CD79A: variants seen among roughly 807,000 people sequenced by gnomAD.
CD79A encodes B-cell antigen receptor complex-associated protein alpha chain.
Under a neutral mutation model 27.4 loss-of-function variants are expected in CD79A, and 16 were observed. The observed-to-expected ratio is 0.58, with a 90% CI of 0.40 to 0.89. CD79A has a LOEUF of 0.89. Among genes scored for constraint, CD79A ranks in the 40% least tolerant of loss-of-function variants. The probability of loss-of-function intolerance (pLI) is 0.00; values close to 1 mark genes in which losing one functional copy is unlikely to be tolerated. For missense variants in CD79A, 237 were observed against 299.7 expected (o/e 0.79, Z 1.55); for synonymous variants, 110 against 132.7 (o/e 0.83, Z 1.18).
chr19:41,880,643 A>AGGCGGGGGGGGG, intron 3 of CD79A, 27 bp from the exon 4 acceptor site: 8 of 1,171,724 alleles, frequency 6.8e-6, no homozygotes, highest in African/African-American at 1.5e-5. Flanking sequence ...CTGCTCACTG[A>AGGCGGGGGGGGG]GGCACCCACC....
At chr19:41,880,820 C>A (rs781954955) in intron 4 of CD79A, 47 bp from the exon 5 acceptor site, 2 of 1,523,584 alleles carry the variant, frequency 1.3e-6, no homozygotes, top group Non-Finnish European at 1.8e-6. Context: ...GGGGCAGGGA[C>A]CCCAGGTGTC....
rs781875393 is a variant in CD79A, at chr19:41,879,180, G to T, written c.270G>T (p.Thr90=). ...FLGPGEDPNG[T]LIIQNVNKSH... ...GCCCGGGCGAGGACCCCAATGGTAC[G>T]CTGATCATCCAGAATGTGAACAAGA... The change falls in exon 2 of 5, where the codon ACG becomes ACT. Residue 90 remains threonine (T), a synonymous_variant. Coordinates refer to ENST00000221972, the MANE Select transcript of CD79A (RefSeq NM_001783.4). The surrounding 1 kb of genome is among the most constrained non-coding windows in gnomAD (Gnocchi z 5.1). 1.2e-6 allele frequency: 2 copies of T among 1,614,008 alleles called. No individual in the cohort carries two copies. The highest frequency in any genetic ancestry group is 2.2e-5 in the East Asian group (1 of 44,872).
rs781985135 is a variant in CD79A at position 41,879,456 on chromosome 19, CT to C, written c.380-77del. On this transcript the variant is annotated intron_variant, in intron 2 of 4. Coordinates refer to ENST00000221972, the MANE Select transcript of CD79A (RefSeq NM_001783.4). This position sits in a 1 kb window ranked among gnomAD's most constrained non-coding sequence, Gnocchi z 5.1. ...GTGGGGTCTCTGGGGGGTCTGGGGC[CT>C]TGCAGGAGGTGGGCGGGGCCAGGAG... 1 of 1,262,440 alleles carries C rather than the reference CT, an allele frequency of 7.9e-7. No individual in the cohort carries two copies. Among genetic ancestry groups the C allele is most frequent in the Non-Finnish European group, 1.1e-6 (1 of 890,214 alleles). 78.2% of individuals were successfully genotyped at this position (1,262,440 alleles called of 1,614,324 possible). A position where few individuals can be genotyped will look rare whatever the true frequency, so the allele number is the denominator to read the frequency against.
chr19:41,879,298 C>G lies in CD79A; in HGVS notation c.379+9C>G. The G allele has an allele frequency of 6.2e-7, 1 of 1,610,230 alleles. No homozygotes were observed. Among genetic ancestry groups the G allele is most frequent in the Non-Finnish European group, 8.5e-7 (1 of 1,179,176 alleles). On this transcript the variant is annotated intron_variant, in intron 2 of 4. Transcript: ENST00000221972. This position sits in a 1 kb window ranked among gnomAD's most constrained non-coding sequence, Gnocchi z 5.1. ...CTACCTCCGCGTGCGCCGTGAGTGG[C>G]CCAGCCCTGGCCCCTACTCCCACTG...
intron 3 of CD79A, among the ~76,000 whole-genome samples, chr19:41,880,073 ATTG>A (rs2074212552): frequency 1.3e-5 from 2 of 152,094 alleles, no homozygotes; most frequent in African/African-American, 2.4e-5. Flanking sequence ...TGTGACTGTT[ATTG>A]TTATTATTCA....
rs781946213 is a variant in CD79A, at chr19:41,880,505, G to GAAGGAAGA, written c.499-164_499-163insAGGAAGAA. ...GGAAGGAAGGAAGGAAGGAAGGAAG[G>GAAGGAAGA]AGAACACTGGTTGTAGACTCAGAGA... is the stretch of plus-strand genomic sequence containing the variant. On this transcript the variant is annotated intron_variant, in intron 3 of 4. Coordinates refer to ENST00000221972, the MANE Select transcript of CD79A (RefSeq NM_001783.4). Among the ~76,000 whole-genome samples, 1,214 of 146,268 alleles carry GAAGGAAGA rather than the reference G, an allele frequency of 8.3e-3. 5 individuals carry two copies. Among genetic ancestry groups the GAAGGAAGA allele is most frequent in the Middle Eastern group, 0.03 (8 of 270 alleles).
intron 3 of CD79A, among the ~76,000 whole-genome samples, chr19:41,880,375 A>AAGAGAGAGAGAGAGAAAGAGAGAG (rs1168517411): frequency 7.0e-6 from 1 of 141,884 alleles, no homozygotes; most frequent in Non-Finnish European, 1.5e-5. Context: ...AGGGAGAAGA[A>AAGAGAGAGAGAGAGAAAGAGAGAG]AGAGAGAGAG....
Position 41,879,730 on chromosome 19 carries a change from A to G in CD79A, c.498+77A>G. The G allele has an allele frequency of 1.1e-6, 1 of 949,184 alleles. No individual in the cohort carries two copies. The highest frequency in any genetic ancestry group is 1.7e-6 in the Non-Finnish European group (1 of 595,112). The allele number at this position is 949,184 out of a possible 1,614,324, so 58.8% of individuals were successfully genotyped here. ...ACCCCCAATACCCAGGTAGCCCTCTAGAGCCTGAGGTTCCCCATCCAAAAC... is the reference window on the plus strand; with the variant it reads ...ACCCCCAATACCCAGGTAGCCCTCTGGAGCCTGAGGTTCCCCATCCAAAAC... On this transcript the variant is annotated intron_variant, in intron 3 of 4. Transcript: ENST00000221972. The surrounding 1 kb of genome is among the most constrained non-coding windows in gnomAD (Gnocchi z 5.1).
Position 41,879,780 on chromosome 19 carries a change from T to G in CD79A, c.498+127T>G. On this transcript the variant is annotated intron_variant, in intron 3 of 4. Coordinates refer to ENST00000221972, the MANE Select transcript of CD79A (RefSeq NM_001783.4). This position sits in a 1 kb window ranked among gnomAD's most constrained non-coding sequence, Gnocchi z 5.1. Reference sequence around the variant, plus strand: ...CTTGGGAGAATGAAAGCACCCACCATATAGGGGCTGTGGGAGTTAAATGAA... The same window carrying G: ...CTTGGGAGAATGAAAGCACCCACCAGATAGGGGCTGTGGGAGTTAAATGAA... 1 of 652,342 alleles carries G rather than the reference T, an allele frequency of 1.5e-6. No homozygotes were observed. The highest frequency in any genetic ancestry group is 1.7e-5 in the South Asian group (1 of 59,698). The allele number at this position is 652,342 out of a possible 1,614,324, so 40.4% of individuals were successfully genotyped here. A position where few individuals can be genotyped will look rare whatever the true frequency, so the allele number is the denominator to read the frequency against.
chr19:41,877,403 G>A lies in CD79A; in HGVS notation c.79+20G>A, dbSNP rs782295176. ...ACCTGGGTATGTGGCCAAAGGGCAG[G>A]AACTGGCGGGAGGTGGGGGAAGCTG... On this transcript the variant is annotated intron_variant, in intron 1 of 4. Transcript: ENST00000221972. The surrounding 1 kb of genome is among the most constrained non-coding windows in gnomAD (Gnocchi z 4.1). 1.9e-6 allele frequency: 3 copies of A among 1,604,316 alleles called. No homozygotes were observed. The highest frequency in any genetic ancestry group is 1.7e-6 in the Non-Finnish European group (2 of 1,171,046).
Position 41,879,266 on chromosome 19 carries a change from G to T in CD79A, c.356G>T (p.Cys119Phe). 6.2e-7 allele frequency: 1 copy of T among 1,613,162 alleles called. No individual in the cohort carries two copies. Reference sequence around the variant, plus strand: ...GGCAACGAGTCATACCAGCAGTCCTGCGGCACCTACCTCCGCGTGCGCCGT... The same window carrying T: ...GGCAACGAGTCATACCAGCAGTCCTTCGGCACCTACCTCCGCGTGCGCCGT... ...QEGNESYQQS[C>F]GTYLRVRQPP... The change falls in exon 2 of 5, where the codon TGC becomes TTC. Residue 119 changes from cysteine (C) to phenylalanine (F), a missense_variant. By Grantham distance (205) the Cys-to-Phe change is radical (BLOSUM62 -2). Transcript: ENST00000221972. The surrounding 1 kb of genome is among the most constrained non-coding windows in gnomAD (Gnocchi z 5.1).
chr19:41,881,075 G>T lies in CD79A; in HGVS notation c.*95G>T, dbSNP rs2074221811. ...GGGACATTCTCCTTTCAGCCCTTCTGGGGGCTTCCTTAGTCATATTCCCCC... is the reference window on the plus strand; with the variant it reads ...GGGACATTCTCCTTTCAGCCCTTCTTGGGGCTTCCTTAGTCATATTCCCCC... On this transcript the variant is annotated 3_prime_UTR_variant, in exon 5 of 5. Coordinates refer to ENST00000221972, the MANE Select transcript of CD79A (RefSeq NM_001783.4). The T allele has an allele frequency of 1.2e-6, 1 of 814,758 alleles. No homozygotes were observed. Among genetic ancestry groups the T allele is most frequent in the Admixed American group, 2.0e-5 (1 of 50,080 alleles). 50.5% of individuals were successfully genotyped at this position (814,758 alleles called of 1,614,324 possible).
chr19:41,877,396 A>C lies in CD79A; in HGVS notation c.79+13A>C. 1 of 1,611,342 alleles carries C rather than the reference A, an allele frequency of 6.2e-7. No individual in the cohort carries two copies. Among genetic ancestry groups the C allele is most frequent in the Non-Finnish European group, 8.5e-7 (1 of 1,177,444 alleles). Reference sequence around the variant, plus strand: ...GCTGTCTACCTGGGTATGTGGCCAAAGGGCAGGAACTGGCGGGAGGTGGGG... The same window carrying C: ...GCTGTCTACCTGGGTATGTGGCCAACGGGCAGGAACTGGCGGGAGGTGGGG... On this transcript the variant is annotated intron_variant, in intron 1 of 4. Transcript: ENST00000221972. The surrounding 1 kb of genome is among the most constrained non-coding windows in gnomAD (Gnocchi z 4.1).
chr19:41,878,146 A>C lies in CD79A; in HGVS notation c.79+763A>C, dbSNP rs1192619149. ...CAGCCAGCCTGAGCCGCCTCGTCTC[A>C]CTCAGAGACACCCCCAGTCTCCACC... On this transcript the variant is annotated intron_variant, in intron 1 of 4. Transcript: ENST00000221972. The surrounding 1 kb of genome is among the most constrained non-coding windows in gnomAD (Gnocchi z 4.3). Among the ~76,000 whole-genome samples, 1 of 151,900 alleles carries C rather than the reference A, an allele frequency of 6.6e-6. No homozygotes were observed. Among genetic ancestry groups the C allele is most frequent in the Non-Finnish European group, 1.5e-5 (1 of 67,962 alleles).
At position 41,880,958 on chromosome 19, in the gene CD79A, A is replaced by T; in HGVS notation, c.659A>T (p.Asp220Val). 6.3e-7 allele frequency: 1 copy of T among 1,581,738 alleles called. No homozygotes were observed. The highest frequency in any genetic ancestry group is 8.6e-7 in the Non-Finnish European group (1 of 1,164,880). The change falls in exon 5 of 5, where the codon GAT (aspartate) becomes GTT (valine). Residue 220 changes from aspartate to valine, a missense_variant. Physicochemically the swap from Asp to Val is radical, Grantham distance 152 (BLOSUM62 -3). Coordinates refer to ENST00000221972, the MANE Select transcript of CD79A (RefSeq NM_001783.4). ...YQDVGSLNIG[D>V]VQLEKP ...GATGTGGGCAGCCTCAACATAGGAG[A>T]TGTCCAGCTGGAGAAGCCGTGACAC...
chr19:41,878,940 A>G lies in CD79A; in HGVS notation c.80-50A>G. 6.9e-7 allele frequency: 1 copy of G among 1,456,984 alleles called. No homozygotes were observed. The highest frequency in any genetic ancestry group is 1.7e-5 in the Admixed American group (1 of 58,576). The allele number at this position is 1,456,984 out of a possible 1,614,324, so 90.3% of individuals were successfully genotyped here. A position where few individuals can be genotyped will look rare whatever the true frequency, so the allele number is the denominator to read the frequency against. On this transcript the variant is annotated intron_variant, in intron 1 of 4. Transcript: ENST00000221972. The surrounding 1 kb of genome is among the most constrained non-coding windows in gnomAD (Gnocchi z 4.3). ...GAACTGCAGGGGCCAGGGCTGGGGA[A>G]ATGTGTCACCATCCCCAGTCCCTGA...
In CD79A at chr19:41,880,656, A is replaced by G; in HGVS notation, c.499-14A>G. ...CCCTGCTCACTGAGGCACCCACCCC[A>G]CCCACCCCTACAGAAACGATGGCAG... On this transcript the variant is annotated splice_polypyrimidine_tract_variant and intron_variant, in intron 3 of 4. Transcript: ENST00000221972. 2.6e-6 allele frequency: 1 copy of G among 389,744 alleles called. No homozygotes were observed. The highest frequency in any genetic ancestry group is 4.8e-6 in the Non-Finnish European group (1 of 207,406). The allele number at this position is 389,744 out of a possible 1,614,324, so 24.1% of individuals were successfully genotyped here.
chr19:41,880,709 G>A lies in CD79A; in HGVS notation c.538G>A (p.Asp180Asn). ...QNEKLGLDAGDEYEDENLYEG... is the reference protein window; with the variant it reads ...QNEKLGLDAGNEYEDENLYEG... The stretch of plus-strand genomic sequence containing the variant: ...CGAGAAGCTCGGGTTGGATGCCGGG[G>A]ATGAATATGAAGATGAAAACCTTTA... The change falls in exon 4 of 5, where the codon GAT (aspartate) becomes AAT (asparagine). Residue 180 changes from aspartate (D) to asparagine (N), a missense_variant. Transcript: ENST00000221972. 2.6e-6 allele frequency: 4 copies of A among 1,537,030 alleles called. No individual in the cohort carries two copies. Among genetic ancestry groups the A allele is most frequent in the South Asian group, 2.4e-5 (2 of 83,764 alleles).
rs2074217715 is a variant in CD79A, at chr19:41,880,572, T to C, written c.499-98T>C. The C allele has an allele frequency of 8.0e-6, 7 of 872,374 alleles. No homozygotes were observed. In the East Asian group the frequency reaches 1.8e-4, roughly 23 times the overall value. The allele number at this position is 872,374 out of a possible 1,614,324, so 54.0% of individuals were successfully genotyped here. ...AGTATGTGGCCTTGGGGACATCTCTTACCCTTTCTGGAAAAGTACTTCCTG... is the reference window on the plus strand; with the variant it reads ...AGTATGTGGCCTTGGGGACATCTCTCACCCTTTCTGGAAAAGTACTTCCTG... On this transcript the variant is annotated intron_variant, in intron 3 of 4. Coordinates refer to ENST00000221972, the MANE Select transcript of CD79A (RefSeq NM_001783.4).
Sources: allele counts gnomAD v4.1 joint callset (sites outside exome capture counted in the v4.1 genomes callset), GRCh38; gene constraint gnomAD v4.1.1; non-coding constraint Gnocchi (gnomAD v3.1); transcripts MANE v1.5; gene names NCBI Gene and HGNC (gene_info 2026-07-23, HGNC 2026-07-21).